The following CSMD3 variants were observed in gnomAD, a reference collection of about 807,000 sequenced individuals.
The protein encoded by CSMD3 is CUB and sushi domain-containing protein 3.
CSMD3 carries 177 observed loss-of-function variants against 435.2 expected under a neutral mutation model. The observed-to-expected ratio is 0.41, with a 90% CI of 0.36 to 0.46. The LOEUF is 0.46. Ranked by LOEUF, CSMD3 falls within the 20% of genes least tolerant of loss-of-function variation. The pLI, the probability that CSMD3 is intolerant of heterozygous loss-of-function variation, is 0.34. For missense variants in CSMD3, 4,265 were observed against 4,504.6 expected (o/e 0.95, Z 1.52); for synonymous variants, 1,656 against 1,520.5 (o/e 1.09, Z -2.07).
At chr8:113,347,014 C>A (rs2094156124) in intron 1 of CSMD3, among the ~76,000 whole-genome samples, 1 of 152,000 alleles carries the variant, frequency 6.6e-6, no homozygotes, top group Non-Finnish European at 1.5e-5. Flanking sequence ...TGAATTCAAT[C>A]ACCCTTTTCC....
At chr8:113,305,925 C>T (rs972815686) in intron 2 of CSMD3, among the ~76,000 whole-genome samples, 1 of 152,100 alleles carries the variant, frequency 6.6e-6, no homozygotes, top group Admixed American at 6.5e-5. Flanking sequence ...TAGGGGGATA[C>T]TAAACACAAT....
intron 1 of CSMD3, among the ~76,000 whole-genome samples, chr8:113,316,193 T>C (rs2093908569): frequency 6.6e-6 from 1 of 152,076 alleles, no homozygotes; most frequent in Admixed American, 6.5e-5. Context: ...ACCCAGATGT[T>C]ATTATCTTTA....
At chr8:112,874,056 A>G (rs1409819080) in intron 10 of CSMD3, among the ~76,000 whole-genome samples, 1 of 152,038 alleles carries the variant, frequency 6.6e-6, no homozygotes, top group Non-Finnish European at 1.5e-5. Flanking sequence ...AGTGCTATAA[A>G]TTTCCCTTTA....
intron 5 of CSMD3, among the ~76,000 whole-genome samples, chr8:113,024,677 C>G (rs1446775491): frequency 6.6e-6 from 1 of 152,052 alleles, no homozygotes; most frequent in Non-Finnish European, 1.5e-5. Context: ...CATTGTGGTA[C>G]TGATTTACAT....
chr8:113,271,172 T>G (rs2093522421), intron 3 of CSMD3, among the ~76,000 whole-genome samples: 1 of 152,060 alleles, frequency 6.6e-6, no homozygotes, highest in South Asian at 2.1e-4. Flanking sequence ...TTCAGAAAAT[T>G]TGCAGCCTGA....
intron 2 of CSMD3, chr8:113,313,704 A>G (rs2093887775): frequency 6.6e-6 from 1 of 152,202 alleles, no homozygotes; most frequent in Non-Finnish European, 1.5e-5. Context: ...ATAGCCAAGT[A>G]TGTAAAGAGT....
intron 10 of CSMD3, among the ~76,000 whole-genome samples, chr8:112,895,088 A>C (rs1222571805): frequency 6.6e-6 from 1 of 151,336 alleles, no homozygotes; most frequent in African/African-American, 2.4e-5. Context: ...TTTTTATTGA[A>C]TGCTTACTGC....
intron 1 of CSMD3, among the ~76,000 whole-genome samples, chr8:113,405,934 C>T (rs527623306): frequency 4.6e-5 from 7 of 151,652 alleles, no homozygotes; most frequent in Non-Finnish European, 1.0e-4. Flanking sequence ...TAGAGGATAT[C>T]AAGCTGTTTT....
At chr8:113,384,687 A>C (rs1021234068) in intron 1 of CSMD3, among the ~76,000 whole-genome samples, 2 of 152,200 alleles carry the variant, frequency 1.3e-5, no homozygotes, top group African/African-American at 4.8e-5. Context: ...TGCTACAAGA[A>C]TCTGGAGAAT....
chr8:113,305,277 T>G (rs1027392070), intron 2 of CSMD3, among the ~76,000 whole-genome samples: 2 of 152,116 alleles, frequency 1.3e-5, no homozygotes, highest in African/African-American at 2.4e-5. Context: ...ATTGTACACA[T>G]GTACCCTAAA....
intron 60 of CSMD3, among the ~76,000 whole-genome samples, chr8:112,264,096 C>A (rs1248384265): frequency 6.6e-6 from 1 of 151,974 alleles, no homozygotes; most frequent in Non-Finnish European, 1.5e-5. Flanking sequence ...CAGAGGGTGA[C>A]CTTCAATCTA....
At chr8:113,043,412 C>T (rs564308572) in intron 5 of CSMD3, among the ~76,000 whole-genome samples, 1 of 152,254 alleles carries the variant, frequency 6.6e-6, no homozygotes, top group East Asian at 1.9e-4. Context: ...AAGTCAGCAT[C>T]ATTTTAACAG....
intron 1 of CSMD3, among the ~76,000 whole-genome samples, chr8:113,321,610 C>T (rs1301977784): frequency 1.3e-5 from 2 of 152,064 alleles, no homozygotes; most frequent in Non-Finnish European, 2.9e-5. Flanking sequence ...TGCCTTTATG[C>T]CATTGTGGTT....
At chr8:113,086,759 T>G (rs987953521) in intron 5 of CSMD3, among the ~76,000 whole-genome samples, 1 of 152,140 alleles carries the variant, frequency 6.6e-6, no homozygotes, top group Non-Finnish European at 1.5e-5. Context: ...TTTTCTTGAG[T>G]TATATTCTAA....
At position 113,385,427 on chromosome 8, in the gene CSMD3, T is replaced by C. The variant is rs916218712; in HGVS notation, c.178+51250A>G. On this transcript the variant is annotated intron_variant, in intron 1 of 70. Transcript: ENST00000297405. Reference sequence around the variant, plus strand: ...TCTTGCTTATGTCTAGTCATTATGATGTAATGTGTCAAAGAAAAATGAGCT... The same window carrying C: ...TCTTGCTTATGTCTAGTCATTATGACGTAATGTGTCAAAGAAAAATGAGCT... 7.2e-5 allele frequency among the ~76,000 whole-genome samples: 11 copies of C among 152,154 alleles called. No individual in the cohort carries two copies. In the East Asian group the frequency reaches 7.7e-4, roughly 11 times the overall value.
At chr8:112,533,443 G>A (rs533860039) in intron 27 of CSMD3, among the ~76,000 whole-genome samples, 17 of 151,634 alleles carry the variant, frequency 1.1e-4, no homozygotes, top group Middle Eastern at 3.4e-3. Context: ...TTATGCAAAC[G>A]GAAACCAAAA....
At chr8:112,963,955 T>A (rs1210332727) in intron 7 of CSMD3, among the ~76,000 whole-genome samples, 2 of 151,982 alleles carry the variant, frequency 1.3e-5, no homozygotes, top group Non-Finnish European at 2.9e-5. Flanking sequence ...TGTTCACATT[T>A]ATCTTTACCT....
chr8:112,660,870 G>A (rs1253122212), intron 17 of CSMD3, among the ~76,000 whole-genome samples: 3 of 152,106 alleles, frequency 2.0e-5, no homozygotes, highest in African/African-American at 7.2e-5. Context: ...ATTGGTTTTA[G>A]GGAAGTGGAA....
chr8:113,126,726 ATATTGT>A (rs2091143145), intron 4 of CSMD3, among the ~76,000 whole-genome samples: 1 of 151,896 alleles, frequency 6.6e-6, no homozygotes, highest in African/African-American at 2.4e-5. Context: ...TATGTTGTTT[ATATTGT>A]TATTGACTGT....
Sources: gnomAD v4.1 joint callset for allele counts (sites outside exome capture counted in the v4.1 genomes callset) on GRCh38, gnomAD v4.1.1 for gene constraint, MANE v1.5 for transcripts, NCBI Gene and HGNC (gene_info 2026-07-23, HGNC 2026-07-21) for gene names.